CDK5RAP2: variants seen among roughly 807,000 people sequenced by gnomAD.
CDK5RAP2 encodes CDK5 regulatory subunit associated protein 2.
CDK5RAP2 carries 147 observed loss-of-function variants against 232.9 expected under a neutral mutation model. The observed-to-expected ratio is 0.63, with a 90% CI of 0.55 to 0.72. The LOEUF is 0.72. CDK5RAP2 is among the 30% of genes least tolerant of loss of function. CDK5RAP2 has a pLI of 0.00. For synonymous variants in CDK5RAP2, 833 were observed against 833.7 expected (o/e 1.00, Z 0.01); for missense variants, 2,195 against 2,231.5 (o/e 0.98, Z 0.33).
chr9:120,440,688 C>T (rs1264806845), intron 23 of CDK5RAP2, among the ~76,000 whole-genome samples: 2 of 152,216 alleles, frequency 1.3e-5, no homozygotes, highest in South Asian at 4.1e-4. Context: ...CTCTCCCTCA[C>T]CAGACTGCAC....
At chr9:120,437,832 T>C (rs1374196628) in intron 24 of CDK5RAP2, among the ~76,000 whole-genome samples, 2 of 152,202 alleles carry the variant, frequency 1.3e-5, no homozygotes, top group African/African-American at 2.4e-5. Context: ...AATACTATTC[T>C]GAATTGTAGA....
At chr9:120,504,831 A>G (rs1163940036) in intron 12 of CDK5RAP2, among the ~76,000 whole-genome samples, 1 of 152,204 alleles carries the variant, frequency 6.6e-6, no homozygotes, top group East Asian at 1.9e-4. Flanking sequence ...ACCTGGAAAA[A>G]GTACAAATTC....
chr9:120,407,417 G>A (rs1056599834), intron 31 of CDK5RAP2, 169 bp from the exon 32 acceptor site: 44 of 656,514 alleles, frequency 6.7e-5, no homozygotes, highest in Middle Eastern at 3.1e-4. Flanking sequence ...AATATTGGCA[G>A]ACTTAATTGC....
intron 12 of CDK5RAP2, among the ~76,000 whole-genome samples, chr9:120,506,392 G>C (rs923838698): frequency 1.3e-5 from 2 of 152,204 alleles, no homozygotes; most frequent in African/African-American, 4.8e-5. Flanking sequence ...AGATGTACAA[G>C]AAGATGAATG....
rs1037092273 is a variant in CDK5RAP2, at chr9:120,545,928, C to G, written c.307-138G>C. Reference sequence around the variant, plus strand: ...GCAGATGTTAGATTCCAAAAACCCTCATTAGCCTCAGGGCACAGGGAAAAG... The same window carrying G: ...GCAGATGTTAGATTCCAAAAACCCTGATTAGCCTCAGGGCACAGGGAAAAG... On this transcript the variant is annotated intron_variant, in intron 4 of 37. Transcript: ENST00000349780. The G allele has an allele frequency of 8.4e-6, 6 of 715,950 alleles. No homozygotes were observed. In the African/African-American group the frequency reaches 1.1e-4, roughly 13 times the overall value. The allele number at this position is 715,950 out of a possible 1,614,324, so 44.3% of individuals were successfully genotyped here. A position where few individuals can be genotyped will look rare whatever the true frequency, so the allele number is the denominator to read the frequency against.
chr9:120,471,743 T>C lies in CDK5RAP2; in HGVS notation c.1858+5A>G, dbSNP rs1167870853. On this transcript the variant is annotated splice_donor_5th_base_variant and intron_variant, in intron 16 of 37. Coordinates refer to ENST00000349780, the MANE Select transcript of CDK5RAP2 (RefSeq NM_018249.6). Reference sequence around the variant, plus strand: ...AAAGAGAAGCACATAGAATAAAGTGTGTACCTTCCCGCCTCCGAATTTCGC... The same window carrying C: ...AAAGAGAAGCACATAGAATAAAGTGCGTACCTTCCCGCCTCCGAATTTCGC... 6 of 1,613,990 alleles carry C rather than the reference T, an allele frequency of 3.7e-6. No individual in the cohort carries two copies. Among genetic ancestry groups the C allele is most frequent in the Non-Finnish European group, 4.2e-6 (5 of 1,179,972 alleles).
chr9:120,452,534 G>A (rs145404217), intron 21 of CDK5RAP2, among the ~76,000 whole-genome samples: 106 of 151,810 alleles, frequency 7.0e-4, no homozygotes, highest in African/African-American at 2.5e-3. Context: ...TTAGAAACAC[G>A]ACCTATTTCC....
chr9:120,421,941 A>C (rs2034591660), intron 26 of CDK5RAP2, among the ~76,000 whole-genome samples: 1 of 152,242 alleles, frequency 6.6e-6, no homozygotes, highest in South Asian at 2.1e-4. Context: ...TAAAATAGTT[A>C]CTTCAAACTT....
intron 11 of CDK5RAP2, among the ~76,000 whole-genome samples, chr9:120,523,173 G>A (rs1267223513): frequency 6.6e-6 from 1 of 152,198 alleles, no homozygotes; most frequent in Non-Finnish European, 1.5e-5. Context: ...TACATTGTAA[G>A]ACCTCAAAAC....
intron 3 of CDK5RAP2, among the ~76,000 whole-genome samples, chr9:120,565,450 C>G (rs2042614569): frequency 6.6e-6 from 1 of 152,142 alleles, no homozygotes; most frequent in Non-Finnish European, 1.5e-5. Flanking sequence ...TCATTTCCCT[C>G]CCCAGATTAA....
chr9:120,576,640 T>G (rs565661750), intron 1 of CDK5RAP2, among the ~76,000 whole-genome samples: 27 of 151,874 alleles, frequency 1.8e-4, no homozygotes, highest in African/African-American at 6.0e-4. Context: ...AGGCAGAGGT[T>G]GCGGTGAGCC....
intron 11 of CDK5RAP2, among the ~76,000 whole-genome samples, chr9:120,520,596 T>C (rs142502160): frequency 5.3e-4 from 80 of 151,976 alleles, no homozygotes; most frequent in African/African-American, 1.8e-3. Context: ...TAAGCCAAGA[T>C]TGCGCCACTG....
chr9:120,398,503 C>T (rs1015960846), intron 35 of CDK5RAP2, among the ~76,000 whole-genome samples: 4 of 152,058 alleles, frequency 2.6e-5, no homozygotes, highest in Non-Finnish European at 4.4e-5. Flanking sequence ...TGTTGTTATG[C>T]CTACATTGCC....
In CDK5RAP2 at chr9:120,572,015, T is replaced by C; in HGVS notation, c.86A>G (p.Asp29Gly). 2 of 1,613,912 alleles carry C rather than the reference T, an allele frequency of 1.2e-6. No homozygotes were observed. Among genetic ancestry groups the C allele is most frequent in the South Asian group, 1.1e-5 (1 of 91,084 alleles). ...AGCATTGGGGTTGATGCCATCCAGGTCATCTGGTACACTGGGAACAAGGCC... is the reference window on the plus strand; with the variant it reads ...AGCATTGGGGTTGATGCCATCCAGGCCATCTGGTACACTGGGAACAAGGCC... Reference protein sequence around the residue: ...CSGLVPSVPDDLDGINPNAGL... With the variant: ...CSGLVPSVPDGLDGINPNAGL... Residue 29 changes from aspartate to glycine, a missense_variant, in exon 2 of 38, where the codon GAC (aspartate) becomes GGC (glycine). Transcript: ENST00000349780.
intron 25 of CDK5RAP2, among the ~76,000 whole-genome samples, chr9:120,426,171 G>GC (rs1327793007): frequency 2.6e-5 from 4 of 152,326 alleles, no homozygotes; most frequent in African/African-American, 9.6e-5. Context: ...TGACATGCAT[G>GC]CCCCATTATT....
chr9:120,390,434 G>A (rs987122248), intron 36 of CDK5RAP2, among the ~76,000 whole-genome samples: 2 of 152,236 alleles, frequency 1.3e-5, no homozygotes, highest in African/African-American at 4.8e-5. Context: ...AGCTGGTTGG[G>A]TGGGATGGTT....
intron 12 of CDK5RAP2, among the ~76,000 whole-genome samples, chr9:120,499,032 A>G (rs545859705): frequency 1.3e-4 from 20 of 152,304 alleles, no homozygotes; most frequent in African/African-American, 4.8e-4. Context: ...GGCATGAGCC[A>G]CCACTCCCAT....
intron 34 of CDK5RAP2, among the ~76,000 whole-genome samples, chr9:120,401,408 C>T (rs777363374): frequency 1.3e-4 from 20 of 151,864 alleles, no homozygotes; most frequent in South Asian, 6.3e-4. Flanking sequence ...CCCAGAAATT[C>T]GAGACCACCC....
intron 15 of CDK5RAP2, among the ~76,000 whole-genome samples, chr9:120,472,791 A>G (rs2037789892): frequency 6.6e-6 from 1 of 152,250 alleles, no homozygotes; most frequent in Non-Finnish European, 1.5e-5. Flanking sequence ...AACCTGTCCA[A>G]TAGAACTTTC....
Sources: allele counts gnomAD v4.1 joint callset (sites outside exome capture counted in the v4.1 genomes callset), GRCh38; gene constraint gnomAD v4.1.1; transcripts MANE v1.5; gene names NCBI Gene and HGNC (gene_info 2026-07-23, HGNC 2026-07-21).